ALX3: variants seen among roughly 807,000 people sequenced by gnomAD.
ALX3 encodes ALX homeobox 3.
In ALX3, 17 loss-of-function variants were observed where a neutral mutation model predicts 26.3. The ratio of observed to expected loss-of-function variants is 0.65; its 90% confidence interval spans 0.44 to 0.97. The LOEUF (loss-of-function observed/expected upper bound fraction) is 0.97. Ranked by LOEUF, ALX3 falls within the 50% of genes least tolerant of loss-of-function variation. The pLI is 0.00. For missense variants in ALX3, 461 were observed against 466.5 expected, an observed-to-expected ratio of 0.99 and a Z score of 0.11; for synonymous variants, 208 against 201.4, an observed-to-expected ratio of 1.03 and a Z score of -0.28.
intron 3 of ALX3, 53 bp downstream of exon 3, chr1:110,061,382 A>T: frequency 6.2e-7 from 1 of 1,613,950 alleles, no homozygotes. Context: ...CAGACCTCAT[A>T]TTCTTTTTGG....
At position 110,070,355 on chromosome 1, in the gene ALX3, G is replaced by T. The variant is rs842021; in HGVS notation, c.258C>A (p.Phe86Leu). Residue 86 changes from phenylalanine (F) to leucine (L), a missense_variant, in exon 1 of 4, where the codon TTC becomes TTA. Phe to Leu is a conservative substitution (Grantham distance 22). Transcript: ENST00000647563. ...GPGPALNGGH[F>L]YEGPAEAEEK... ...CGTTACCTTCCGCGGGGCCCTCGTAGAAGTGGCCGCCGTTGAGGGCCGGGC... is the reference window on the plus strand; with the variant it reads ...CGTTACCTTCCGCGGGGCCCTCGTATAAGTGGCCGCCGTTGAGGGCCGGGC... 1 of 1,290,576 alleles carries T rather than the reference G, an allele frequency of 7.7e-7. No individual in the cohort carries two copies. Among genetic ancestry groups the T allele is most frequent in the Non-Finnish European group, 9.8e-7 (1 of 1,018,774 alleles). The allele number at this position is 1,290,576 out of a possible 1,614,324, so 79.9% of individuals were successfully genotyped here. A position where few individuals can be genotyped will look rare whatever the true frequency, so the allele number is the denominator to read the frequency against.
At position 110,070,556 on chromosome 1, in the gene ALX3, C is replaced by T; in HGVS notation, c.57G>A (p.Val19=). 1 of 1,309,340 alleles carries T rather than the reference C, an allele frequency of 7.6e-7. No homozygotes were observed. Among genetic ancestry groups the T allele is most frequent in the Non-Finnish European group, 9.7e-7 (1 of 1,026,786 alleles). 81.1% of individuals were successfully genotyped at this position (1,309,340 alleles called of 1,614,324 possible). A position where few individuals can be genotyped will look rare whatever the true frequency, so the allele number is the denominator to read the frequency against. ...FRVGPAPGPY[V]ASGDEPPGPQ... is the part of the protein sequence containing the mutation. ...GGCCCGGAGGCTCGTCCCCCGAGGCCACATAGGGGCCGGGTGCAGGCCCCA... is the reference window on the plus strand; with the variant it reads ...GGCCCGGAGGCTCGTCCCCCGAGGCTACATAGGGGCCGGGTGCAGGCCCCA... Residue 19 remains valine, a synonymous_variant, in exon 1 of 4, where the codon GTG becomes GTA. Coordinates refer to ENST00000647563, the MANE Select transcript of ALX3 (RefSeq NM_006492.3).
chr1:110,064,919 CAA>C lies in ALX3; in HGVS notation c.278-18_278-17del. On this transcript the variant is annotated splice_polypyrimidine_tract_variant and intron_variant, in intron 1 of 3. Transcript: ENST00000647563. ...TTCTCCTCAGCTGCAATGGAGAACA[CAA>C]AAGGGAGGATGGCAACTGAACCAGG... 6.3e-7 allele frequency: 1 copy of C among 1,588,954 alleles called. No individual in the cohort carries two copies. Among genetic ancestry groups the C allele is most frequent in the South Asian group, 1.1e-5 (1 of 87,404 alleles).
chr1:110,067,992 T>C (rs1306486163), intron 1 of ALX3, among the ~76,000 whole-genome samples: 4 of 133,396 alleles, frequency 3.0e-5, no homozygotes, highest in African/African-American at 1.2e-4. Flanking sequence ...AGGGCGTGTT[T>C]CGACGTCAGA....
In ALX3 at chr1:110,064,891, G is replaced by A. The variant is rs1557803044; in HGVS notation, c.290C>T (p.Thr97Ile). 2 of 1,608,084 alleles carry A rather than the reference G, an allele frequency of 1.2e-6. No individual in the cohort carries two copies. The highest frequency in any genetic ancestry group is 2.2e-5 in the South Asian group (2 of 90,536). ...YEGPAEAEEKTSKAASFPQLP... is the reference protein window; with the variant it reads ...YEGPAEAEEKISKAASFPQLP... ...CTGGGGGAAGCTGGCAGCTTTGGAGGTCTTCTCCTCAGCTGCAATGGAGAA... is the reference window on the plus strand; with the variant it reads ...CTGGGGGAAGCTGGCAGCTTTGGAGATCTTCTCCTCAGCTGCAATGGAGAA... The change falls in exon 2 of 4, where the codon ACC becomes ATC. Residue 97 changes from threonine to isoleucine, a missense_variant. Physicochemically the swap from Thr to Ile is moderately conservative, Grantham distance 89. Transcript: ENST00000647563.
Position 110,064,710 on chromosome 1 carries a change from G to A in ALX3, c.471C>T (p.Arg157=). Residue 157 remains arginine (R), a synonymous_variant, in exon 2 of 4, where the codon CGC becomes CGT. Transcript: ENST00000647563. ...AKNKSKKRRN[R]TTFSTFQLEE... Reference sequence around the variant, plus strand: ...CCAGCTGGAATGTGCTGAAGGTCGTGCGGTTACGACGCTTCTTGCTCTTGT... The same window carrying A: ...CCAGCTGGAATGTGCTGAAGGTCGTACGGTTACGACGCTTCTTGCTCTTGT... The A allele has an allele frequency of 6.2e-7, 1 of 1,614,220 alleles. No individual in the cohort carries two copies. The highest frequency in any genetic ancestry group is 8.5e-7 in the Non-Finnish European group (1 of 1,180,048).
intron 1 of ALX3, among the ~76,000 whole-genome samples, chr1:110,069,651 C>A (rs1305676184): frequency 6.6e-6 from 1 of 152,232 alleles, no homozygotes; most frequent in Admixed American, 6.5e-5. Context: ...GCCAGAAGGG[C>A]GGCTATCATA....
Position 110,064,644 on chromosome 1 carries a change from A to G in ALX3, c.537T>C (p.Asp179=). The change falls in exon 2 of 4, where the codon GAT becomes GAC. Residue 179 remains aspartate, a synonymous_variant. Coordinates refer to ENST00000647563, the MANE Select transcript of ALX3 (RefSeq NM_006492.3). The part of the protein sequence containing the change: ...EKVFQKTHYP[D]VYAREQLALR... ...GGGCCAGCTGCTCCCGGGCATACAC[A>G]TCAGGATAGTGGGTTTTCTGGAAGA... 1.2e-6 allele frequency: 2 copies of G among 1,614,142 alleles called. No homozygotes were observed. The highest frequency in any genetic ancestry group is 1.1e-5 in the South Asian group (1 of 91,084).
intron 1 of ALX3, 131 bp downstream of exon 1, chr1:110,070,205 C>T: frequency 9.3e-7 from 1 of 1,071,540 alleles, no homozygotes; most frequent in Non-Finnish European, 1.2e-6. Context: ...GAAGCCGTGG[C>T]GAAAGGCGAG....
chr1:110,060,657 G>GAGGCCGAGGTGCTTCCTCCGTGGTGTCC lies in ALX3; in HGVS notation c.*75_*76insGGACACCACGGAGGAAGCACCTCGGCCT. ...AGCCTCCAGAACCATCTGGGGCTTG[G>GAGGCCGAGGTGCTTCCTCCGTGGTGTCC]AGGCAGAGGTGGGCTGGGAGCGACT... On this transcript the variant is annotated 3_prime_UTR_variant, in exon 4 of 4. Coordinates refer to ENST00000647563, the MANE Select transcript of ALX3 (RefSeq NM_006492.3). The GAGGCCGAGGTGCTTCCTCCGTGGTGTCC allele has an allele frequency of 6.6e-6, 2 of 301,242 alleles. No individual in the cohort carries two copies. Among genetic ancestry groups the GAGGCCGAGGTGCTTCCTCCGTGGTGTCC allele is most frequent in the Non-Finnish European group, 8.2e-6 (2 of 243,562 alleles). 18.7% of individuals were successfully genotyped at this position (301,242 alleles called of 1,614,324 possible). A position where few individuals can be genotyped will look rare whatever the true frequency, so the allele number is the denominator to read the frequency against.
intron 2 of ALX3, chr1:110,062,275 C>T (rs1653667721): frequency 6.6e-6 from 1 of 152,626 alleles, no homozygotes; most frequent in Non-Finnish European, 1.5e-5. Context: ...TACCCTGGAC[C>T]TCTCTTTGTA....
At chr1:110,068,815 CTTTCTTTGGT>C (rs1241396236) in intron 1 of ALX3, among the ~76,000 whole-genome samples, 1 of 152,182 alleles carries the variant, frequency 6.6e-6, no homozygotes, top group African/African-American at 2.4e-5. Context: ...TTGTCGCTCG[CTTTCTTTGGT>C]TTTCTTTCTC....
In ALX3 at chr1:110,061,541, G is replaced by A. The variant is rs761654304; in HGVS notation, c.617C>T (p.Ala206Val). Reference sequence around the variant, plus strand: ...ATAACGCTCGCGCTTCCGCCACTTGGCTCTGCGGTTCTGGAACCAGACCTG... The same window carrying A: ...ATAACGCTCGCGCTTCCGCCACTTGACTCTGCGGTTCTGGAACCAGACCTG... ...RVQVWFQNRRAKWRKRERYGK... is the reference protein window; with the variant it reads ...RVQVWFQNRRVKWRKRERYGK... The change falls in exon 3 of 4, where the codon GCC becomes GTC. Residue 206 changes from alanine to valine, a missense_variant. Physicochemically the swap from Ala to Val is moderately conservative, Grantham distance 64 (BLOSUM62 0). Coordinates refer to ENST00000647563, the MANE Select transcript of ALX3 (RefSeq NM_006492.3). 2.5e-6 allele frequency: 4 copies of A among 1,614,216 alleles called. No homozygotes were observed. The South Asian group carries it at 4.4e-5, about 18-fold the overall frequency.
At chr1:110,062,440 T>TA (rs1303252180) in intron 2 of ALX3, 1 of 152,274 alleles carries the variant, frequency 6.6e-6, no homozygotes, top group East Asian at 1.9e-4. Context: ...CTGTGACTGT[T>TA]ACATTTAACT....
At chr1:110,067,913 G>T (rs530727699) in intron 1 of ALX3, among the ~76,000 whole-genome samples, 213 of 152,354 alleles carry the variant, frequency 1.4e-3, no homozygotes, top group Admixed American at 0.013. Flanking sequence ...CGACTTTGGC[G>T]ATCGGCCGGG....
rs1418403036 is a variant in ALX3 at position 110,070,607 on chromosome 1, G to T, written c.6C>A (p.Asp2Glu). The part of the protein sequence containing the change: M[D>E]PEHCAPFRVG... ...CGCGGAAAGGCGCGCAGTGCTCGGGGTCCATGCCGGCTCAGGGCGCACAGG... is the reference window on the plus strand; with the variant it reads ...CGCGGAAAGGCGCGCAGTGCTCGGGTTCCATGCCGGCTCAGGGCGCACAGG... The change falls in exon 1 of 4, where the codon GAC becomes GAA. Residue 2 changes from aspartate (D) to glutamate (E), a missense_variant. This residue lies in a region of ALX3 where 241 missense variants were observed against 206.1 expected (regional missense o/e 1.17). Transcript: ENST00000647563. The T allele has an allele frequency of 1.6e-6, 2 of 1,244,740 alleles. No homozygotes were observed. Among genetic ancestry groups the T allele is most frequent in the Admixed American group, 4.1e-5 (1 of 24,462 alleles). The allele number at this position is 1,244,740 out of a possible 1,614,324, so 77.1% of individuals were successfully genotyped here.
At chr1:110,069,705 TAC>T (rs1653873551) in intron 1 of ALX3, among the ~76,000 whole-genome samples, 1 of 152,224 alleles carries the variant, frequency 6.6e-6, no homozygotes, top group African/African-American at 2.4e-5. Flanking sequence ...GAAATAAGAA[TAC>T]AGTTATTCCG....
chr1:110,061,514 C>T lies in ALX3; in HGVS notation c.644G>A (p.Gly215Glu). ...GGGGTTCCGCCCCTCCTGGATCTTC[C>T]CATAACGCTCGCGCTTCCGCCACTT... ...RAKWRKRERYGKIQEGRNPFT... is the reference protein window; with the variant it reads ...RAKWRKRERYEKIQEGRNPFT... The change falls in exon 3 of 4, where the codon GGG becomes GAG. Residue 215 changes from glycine (G) to glutamate (E), a missense_variant. By Grantham distance (98) the Gly-to-Glu change is moderately conservative. This residue lies in a region of ALX3 where 169 missense variants were observed against 178.0 expected (regional missense o/e 0.95). Coordinates refer to ENST00000647563, the MANE Select transcript of ALX3 (RefSeq NM_006492.3). 6.2e-7 allele frequency: 1 copy of T among 1,614,198 alleles called. No individual in the cohort carries two copies. Among genetic ancestry groups the T allele is most frequent in the Non-Finnish European group, 8.5e-7 (1 of 1,180,038 alleles).
intron 1 of ALX3, among the ~76,000 whole-genome samples, chr1:110,069,413 T>C (rs1341280107): frequency 6.6e-6 from 1 of 152,072 alleles, no homozygotes; most frequent in African/African-American, 2.4e-5. Flanking sequence ...GTGGGTGCAG[T>C]GCGGAAGCCG....
Sources: gnomAD v4.1 joint callset for allele counts (sites outside exome capture counted in the v4.1 genomes callset) on GRCh38, gnomAD v4.1.1 for gene constraint, gnomAD v4.1.1 regional missense constraint, MANE v1.5 for transcripts, NCBI Gene and HGNC (gene_info 2026-07-23, HGNC 2026-07-21) for gene names.